SCAP: variants seen among roughly 807,000 people sequenced by gnomAD.
SCAP encodes SREBF chaperone, also known as sterol regulatory element-binding protein cleavage-activating protein.
SCAP carries 65 observed loss-of-function variants against 123.6 expected under a neutral mutation model. The observed-to-expected ratio is 0.53, with a 90% CI of 0.43 to 0.65. SCAP has a LOEUF of 0.65. Ranked by LOEUF, SCAP falls within the 30% of genes least tolerant of loss-of-function variation. The pLI is 0.00. For synonymous variants in SCAP, 740 were observed against 726.3 expected, an observed-to-expected ratio of 1.02 and a Z score of -0.30; for missense variants, 1,398 against 1,712.5, an observed-to-expected ratio of 0.82 and a Z score of 3.24.
At chr3:47,444,585 C>T (rs1160725834) in intron 1 of SCAP, among the ~76,000 whole-genome samples, 1 of 151,074 alleles carries the variant, frequency 6.6e-6, no homozygotes, top group Non-Finnish European at 1.5e-5. Flanking sequence ...AGTGATTCTC[C>T]CACCTAGTTT....
chr3:47,476,444 A>G (rs996794902), upstream of SCAP, among the ~76,000 whole-genome samples: 4 of 152,166 alleles, frequency 2.6e-5, no homozygotes, highest in African/African-American at 9.7e-5. Context: ...CAAGATGCTC[A>G]TGTTCCCTGT....
intron 2 of SCAP, among the ~76,000 whole-genome samples, chr3:47,440,188 G>A (rs776211748): frequency 6.6e-6 from 1 of 152,118 alleles, no homozygotes; most frequent in Non-Finnish European, 1.5e-5. Context: ...AACAATAAAA[G>A]GTAAGCAATT....
In SCAP at chr3:47,419,200, C is replaced by T. The variant is rs1006277990; in HGVS notation, c.1940+128G>A. On this transcript the variant is annotated intron_variant, in intron 13 of 22. Coordinates refer to ENST00000265565, the MANE Select transcript of SCAP (RefSeq NM_012235.4). The surrounding 1 kb of genome is among the most constrained non-coding windows in gnomAD (Gnocchi z 5.0). ...TATAGCTGCCTAAACCACCAGTTCC[C>T]ACCTCACAACCTTATGAACTGTTTT... 2.4e-6 allele frequency: 3 copies of T among 1,276,008 alleles called. No homozygotes were observed. The highest frequency in any genetic ancestry group is 3.2e-6 in the Non-Finnish European group (3 of 943,656). The allele number at this position is 1,276,008 out of a possible 1,614,324, so 79.0% of individuals were successfully genotyped here.
At chr3:47,431,742 C>T (rs918745479) in intron 3 of SCAP, among the ~76,000 whole-genome samples, 1 of 152,190 alleles carries the variant, frequency 6.6e-6, no homozygotes, top group African/African-American at 2.4e-5. Flanking sequence ...TTTATCACTG[C>T]TGCTTTAACC....
rs1705775293 is a variant in SCAP, at chr3:47,419,039, C to A, written c.1941-196G>T. 6.6e-6 allele frequency among the ~76,000 whole-genome samples: 1 copy of A among 152,162 alleles called. No individual in the cohort carries two copies. On this transcript the variant is annotated intron_variant, in intron 13 of 22. Transcript: ENST00000265565. This position sits in a 1 kb window ranked among gnomAD's most constrained non-coding sequence, Gnocchi z 5.0. ...GCAGCCAACTTGCTGTCCCAGATAC[C>A]AGCACCCAAACAGCCCTGGTGGCCG...
At chr3:47,442,832 GA>G in intron 2 of SCAP, 39 bp downstream of exon 2, 1 of 1,586,984 alleles carries the variant, frequency 6.3e-7, no homozygotes, top group Non-Finnish European at 8.7e-7. Flanking sequence ...ACTGTCCTAA[GA>G]CACTGGCCCA....
intron 6 of SCAP, among the ~76,000 whole-genome samples, chr3:47,426,942 T>C (rs1427302693): frequency 6.6e-6 from 1 of 152,102 alleles, no homozygotes; most frequent in East Asian, 1.9e-4. Context: ...AGCCCTACCT[T>C]AGTCCCCTAT....
chr3:47,419,765 C>T lies in SCAP; in HGVS notation c.1564-61G>A. 6.7e-7 allele frequency: 1 copy of T among 1,498,266 alleles called. No homozygotes were observed. The highest frequency in any genetic ancestry group is 8.9e-7 in the Non-Finnish European group (1 of 1,123,314). 92.8% of individuals were successfully genotyped at this position (1,498,266 alleles called of 1,614,324 possible). On this transcript the variant is annotated intron_variant, in intron 12 of 22. Transcript: ENST00000265565. This position sits in a 1 kb window ranked among gnomAD's most constrained non-coding sequence, Gnocchi z 5.0. Reference sequence around the variant, plus strand: ...GGGCCCCAACCCCCAGCAGCTTCAGCCCTCATGCTGAGAGGAAGCAGCACA... The same window carrying T: ...GGGCCCCAACCCCCAGCAGCTTCAGTCCTCATGCTGAGAGGAAGCAGCACA...
Position 47,418,358 on chromosome 3 carries a change from G to T in SCAP, c.2294C>A (p.Thr765Lys). 1 of 1,570,710 alleles carries T rather than the reference G, an allele frequency of 6.4e-7. No individual in the cohort carries two copies. The highest frequency in any genetic ancestry group is 8.6e-7 in the Non-Finnish European group (1 of 1,160,108). Residue 765 changes from threonine (T) to lysine (K), a missense_variant, in exon 15 of 23, where the codon ACG (threonine) becomes AAG (lysine). Transcript: ENST00000265565. The stretch of plus-strand genomic sequence containing the variant: ...GCGCAGCACAAGCGGCACGATCTCC[G>T]TCTCGGGTGGCGCATAGCCGTAGTC... ...CDDYGYAPPE[T>K]EIVPLVLRGH...
At chr3:47,418,623 C>T (rs777219119) in intron 14 of SCAP, 32 bp downstream of exon 14, 12 of 1,447,594 alleles carry the variant, frequency 8.3e-6, no homozygotes, top group Non-Finnish European at 1.1e-5. Context: ...TCCCCGCACT[C>T]TTTCCCACCC....
intron 1 of SCAP, among the ~76,000 whole-genome samples, chr3:47,465,436 G>T (rs898783932): frequency 6.6e-6 from 1 of 152,060 alleles, no homozygotes; most frequent in African/African-American, 2.4e-5. Context: ...ATCTACAAAC[G>T]CAATCCATAT....
At chr3:47,435,476 AC>A (rs1319851858) in intron 2 of SCAP, among the ~76,000 whole-genome samples, 2 of 121,268 alleles carry the variant, frequency 1.6e-5, no homozygotes, top group Non-Finnish European at 3.7e-5. Flanking sequence ...ACATACACAC[AC>A]ACACACACAC....
At chr3:47,434,468 G>A (rs940050973) in intron 3 of SCAP, among the ~76,000 whole-genome samples, 7 of 152,130 alleles carry the variant, frequency 4.6e-5, no homozygotes, top group African/African-American at 9.7e-5. Flanking sequence ...ATCAGTGTTC[G>A]GCCCAGAGAC....
At position 47,420,942 on chromosome 3, in the gene SCAP, G is replaced by A. The variant is rs558458280; in HGVS notation, c.1333C>T (p.Arg445Cys). 5 of 1,613,668 alleles carry A rather than the reference G, an allele frequency of 3.1e-6. No homozygotes were observed. Among genetic ancestry groups the A allele is most frequent in the South Asian group, 2.2e-5 (2 of 91,078 alleles). Residue 445 changes from arginine to cysteine, a missense_variant, in exon 11 of 23, where the codon CGC becomes TGC. Coordinates refer to ENST00000265565, the MANE Select transcript of SCAP (RefSeq NM_012235.4). This position sits in a 1 kb window ranked among gnomAD's most constrained non-coding sequence, Gnocchi z 5.0. ...CAGCCCACTCCTACCTCCATCCGGC[G>A]AATGTCAATGGACAGGACAGTGGTG... The part of the protein sequence containing the change: ...FFTTVLSIDI[R>C]RMELADLNKR...
chr3:47,431,703 C>T (rs1248041322), intron 3 of SCAP, among the ~76,000 whole-genome samples: 1 of 152,180 alleles, frequency 6.6e-6, no homozygotes, highest in African/African-American at 2.4e-5. Context: ...CTCCTCCTCA[C>T]ATATCAAGGG....
intron 3 of SCAP, among the ~76,000 whole-genome samples, chr3:47,431,993 TAATTC>T (rs1706376393): frequency 6.6e-6 from 1 of 152,140 alleles, no homozygotes; most frequent in Non-Finnish European, 1.5e-5. Flanking sequence ...TTTTGGGTCT[TAATTC>T]AATACCAGTT....
At chr3:47,448,763 G>A (rs1707147564) in intron 1 of SCAP, among the ~76,000 whole-genome samples, 1 of 151,762 alleles carries the variant, frequency 6.6e-6, no homozygotes, top group Admixed American at 6.6e-5. Flanking sequence ...GTTATAGCAA[G>A]GTTTTAATTA....
chr3:47,464,376 GT>G (rs77826254), intron 1 of SCAP, among the ~76,000 whole-genome samples: 46 of 146,280 alleles, frequency 3.1e-4, no homozygotes, highest in East Asian at 5.9e-4. Context: ...ACTGATTTGT[GT>G]TTTTTTTTTT....
At chr3:47,456,212 G>A (rs1707419007) in intron 1 of SCAP, among the ~76,000 whole-genome samples, 1 of 152,060 alleles carries the variant, frequency 6.6e-6, no homozygotes, top group Non-Finnish European at 1.5e-5. Context: ...AGACCAGCCT[G>A]GGCAACATGG....
Sources: allele counts gnomAD v4.1 joint callset (sites outside exome capture counted in the v4.1 genomes callset), GRCh38; gene constraint gnomAD v4.1.1; non-coding constraint Gnocchi (gnomAD v3.1); transcripts MANE v1.5; gene names NCBI Gene and HGNC (gene_info 2026-07-23, HGNC 2026-07-21).